The following SVOP variants were observed in gnomAD, a reference collection of about 807,000 sequenced individuals.
The protein encoded by SVOP is SV2 related protein.
SVOP carries 17 observed loss-of-function variants against 69.1 expected under a neutral mutation model. The observed-to-expected ratio is 0.25, with a 90% CI of 0.17 to 0.37. The LOEUF (loss-of-function observed/expected upper bound fraction) is 0.37, where lower values mean the gene tolerates loss of function less well. Among genes scored for constraint, SVOP ranks in the 10% least tolerant of loss-of-function variants. SVOP has a pLI of 1.00. For synonymous variants in SVOP, 238 were observed against 238.6 expected (o/e 1.00, Z 0.02); for missense variants, 435 against 597.5 (o/e 0.73, Z 2.84).
At chr12:109,001,359 A>G (rs1231346852) in intron 1 of SVOP, among the ~76,000 whole-genome samples, 1 of 150,754 alleles carries the variant, frequency 6.6e-6, no homozygotes, top group Admixed American at 6.6e-5. Flanking sequence ...GGAAGAATCA[A>G]TATCATGAAA....
intron 1 of SVOP, among the ~76,000 whole-genome samples, chr12:108,990,589 C>T (rs889876521): frequency 2.0e-5 from 3 of 151,824 alleles, no homozygotes; most frequent in African/African-American, 7.3e-5. Context: ...AGCACACCAA[C>T]ATGGCACATG....
intron 11 of SVOP, among the ~76,000 whole-genome samples, chr12:108,928,669 C>T (rs537834786): frequency 4.0e-5 from 6 of 151,736 alleles, no homozygotes; most frequent in African/African-American, 1.5e-4. Flanking sequence ...CAGGCTCAAG[C>T]GATCCTCCCA....
intron 1 of SVOP, among the ~76,000 whole-genome samples, chr12:109,009,937 G>A (rs2040331364): frequency 6.6e-6 from 1 of 151,978 alleles, no homozygotes; most frequent in Admixed American, 6.6e-5. Flanking sequence ...AGAAACCCTG[G>A]GTTAAAGAGT....
At chr12:108,915,730 A>C (rs563806029) in intron 15 of SVOP, 53 bp downstream of exon 15, 1 of 1,537,010 alleles carries the variant, frequency 6.5e-7, no homozygotes, top group Non-Finnish European at 8.8e-7. Context: ...ACTGCTTGCC[A>C]TGCATGGGGT....
At chr12:109,000,086 A>C (rs1353116134) in intron 1 of SVOP, among the ~76,000 whole-genome samples, 1 of 152,190 alleles carries the variant, frequency 6.6e-6, no homozygotes, top group Non-Finnish European at 1.5e-5. Context: ...AAAGAAAAAA[A>C]GAGAAGAATC....
At position 109,020,984 on chromosome 12, in the gene SVOP, T is replaced by TGGAGCAGCAGCTGTTCGGGGAG. The variant is rs1363326295; in HGVS notation, c.-138_-117dup. ...GACAGCACCCGCGCCGCTTCCTCCC[T>TGGAGCAGCAGCTGTTCGGGGAG]GGAGCAGCAGCTGTTCGGGGAGGGA... On this transcript the variant is annotated 5_prime_UTR_variant, in exon 1 of 16. Transcript: ENST00000610966. The TGGAGCAGCAGCTGTTCGGGGAG allele has an allele frequency of 1.8e-5, 11 of 618,272 alleles. No individual in the cohort carries two copies. The highest frequency in any genetic ancestry group is 3.3e-5 in the Non-Finnish European group (11 of 333,416). The allele number at this position is 618,272 out of a possible 1,614,324, so 38.3% of individuals were successfully genotyped here.
At chr12:108,930,978 AC>A (rs1345961811) in intron 11 of SVOP, among the ~76,000 whole-genome samples, 1 of 152,182 alleles carries the variant, frequency 6.6e-6, no homozygotes, top group Non-Finnish European at 1.5e-5. Flanking sequence ...TTACTACCTG[AC>A]CTTTTATAGA....
At chr12:109,004,653 A>G (rs1566067476) in intron 1 of SVOP, among the ~76,000 whole-genome samples, 2 of 151,358 alleles carry the variant, frequency 1.3e-5, no homozygotes, top group Non-Finnish European at 2.9e-5. Flanking sequence ...AGTGATCCCC[A>G]AAGTGTTGGG....
At chr12:109,015,739 G>A (rs1001680977) in intron 1 of SVOP, among the ~76,000 whole-genome samples, 2 of 152,130 alleles carry the variant, frequency 1.3e-5, no homozygotes, top group African/African-American at 4.8e-5. Context: ...GTTGCGGTGA[G>A]CTGAGATCAC....
rs1238318876 is a variant in SVOP, at chr12:108,915,763, T to C, written c.1440+20A>G. ...GGTTTTGTCACCCCCCATCCCTCTG[T>C]ATTTGGGGGCAGCACCTACCTGGGC... On this transcript the variant is annotated intron_variant, in intron 15 of 15. Transcript: ENST00000610966. 7 of 1,589,488 alleles carry C rather than the reference T, an allele frequency of 4.4e-6. No individual in the cohort carries two copies. The highest frequency in any genetic ancestry group is 1.3e-5 in the African/African-American group (1 of 74,254).
intron 1 of SVOP, among the ~76,000 whole-genome samples, chr12:109,009,810 A>T (rs1475636181): frequency 6.6e-6 from 1 of 152,146 alleles, no homozygotes; most frequent in African/African-American, 2.4e-5. Flanking sequence ...TGGGAGTGAC[A>T]GTGACATCTG....
At chr12:108,928,505 G>T (rs957536854) in intron 11 of SVOP, among the ~76,000 whole-genome samples, 1 of 151,620 alleles carries the variant, frequency 6.6e-6, no homozygotes, top group African/African-American at 2.4e-5. Context: ...TGGAGAAGGG[G>T]CCTCTGACCT....
chr12:108,978,545 G>A (rs1340895974), intron 3 of SVOP, 33 bp downstream of exon 3: 1 of 701,994 alleles, frequency 1.4e-6, no homozygotes, highest in Non-Finnish European at 2.6e-6. Flanking sequence ...GGGTTTCTTG[G>A]AGGCTGAGCC....
chr12:108,935,846 G>C (rs2137402168), intron 10 of SVOP, among the ~76,000 whole-genome samples: 1 of 152,140 alleles, frequency 6.6e-6, no homozygotes, highest in Admixed American at 6.5e-5. Context: ...CACACCTTCT[G>C]TCTCCACTCC....
intron 11 of SVOP, among the ~76,000 whole-genome samples, chr12:108,924,078 TA>T (rs2039765994): frequency 6.6e-6 from 1 of 152,106 alleles, no homozygotes. Flanking sequence ...GTGTCTTCAT[TA>T]AAGAGGTTGA....
chr12:108,978,511 T>C (rs2040118855), intron 3 of SVOP, 67 bp downstream of exon 3: 1 of 688,216 alleles, frequency 1.5e-6, no homozygotes, highest in Admixed American at 2.1e-5. Flanking sequence ...TTGTAGGCCA[T>C]GGAAACCCAG....
chr12:108,909,482 A>T lies in SVOP; in HGVS notation c.*3053T>A, dbSNP rs2039667513. On this transcript the variant is annotated 3_prime_UTR_variant, in exon 16 of 16. Coordinates refer to ENST00000610966, the MANE Select transcript of SVOP (RefSeq NM_018711.5). ...GTGAGCTGAGACTTCATCTCAAAAA[A>T]AAAAAAAAAGTAATTGCAGTTTTTG... 6.6e-6 allele frequency: 1 copy of T among 152,060 alleles called. No homozygotes were observed. The highest frequency in any genetic ancestry group is 1.9e-4 in the East Asian group (1 of 5,196). The allele number at this position is 152,060 out of a possible 1,614,324, so 9.4% of individuals were successfully genotyped here. A position where few individuals can be genotyped will look rare whatever the true frequency, so the allele number is the denominator to read the frequency against.
chr12:108,984,807 T>C lies in SVOP; in HGVS notation c.36-1046A>G, dbSNP rs1460330712. On this transcript the variant is annotated intron_variant, in intron 1 of 15. Coordinates refer to ENST00000610966, the MANE Select transcript of SVOP (RefSeq NM_018711.5). ...TTCCTGCTGTCTCCCAGCCCTAGGG[T>C]GGGTTTTGGGGTTATAGCACTGAAA... Among the ~76,000 whole-genome samples, 6 of 151,978 alleles carry C rather than the reference T, an allele frequency of 3.9e-5. No homozygotes were observed. The East Asian group carries it at 1.2e-3, about 29-fold the overall frequency.
chr12:108,945,065 C>T (rs1490888661), intron 7 of SVOP, 38 bp downstream of exon 7: 27 of 1,532,172 alleles, frequency 1.8e-5, no homozygotes, highest in Non-Finnish European at 2.4e-5. Context: ...CTGCCGGAAT[C>T]CACATGCTCT....
Sources: allele counts gnomAD v4.1 joint callset (sites outside exome capture counted in the v4.1 genomes callset), GRCh38; gene constraint gnomAD v4.1.1; transcripts MANE v1.5; gene names NCBI Gene and HGNC (gene_info 2026-07-23, HGNC 2026-07-21).